Variants in TBC1D22B observed in about 807,000 individuals in gnomAD.
TBC1D22B encodes the protein TBC1 domain family member 22B, also known as chromosome 6 open reading frame 197.
A neutral mutation model predicts 69.1 loss-of-function variants in TBC1D22B; 32 were observed. That is an observed-to-expected ratio of 0.46 (90% CI 0.35 to 0.62). TBC1D22B has a LOEUF of 0.62. Ranked by LOEUF, TBC1D22B falls within the 20% of genes least tolerant of loss-of-function variation. The probability of loss-of-function intolerance (pLI) is 0.00; values close to 1 mark genes in which losing one functional copy is unlikely to be tolerated. For synonymous variants in TBC1D22B, 206 were observed against 229.8 expected (o/e 0.90, Z 0.94); for missense variants, 462 against 630.9 (o/e 0.73, Z 2.87).
intron 8 of TBC1D22B, among the ~76,000 whole-genome samples, chr6:37,311,787 GT>G (rs1767919550): frequency 6.6e-6 from 1 of 152,244 alleles, no homozygotes; most frequent in South Asian, 2.1e-4. Flanking sequence ...CAGAATAGGG[GT>G]TGTGGGTCTG....
At position 37,282,247 on chromosome 6, in the gene TBC1D22B, C is replaced by T; in HGVS notation, c.484C>T (p.Pro162Ser). 1 of 1,614,228 alleles carries T rather than the reference C, an allele frequency of 6.2e-7. No individual in the cohort carries two copies. Among genetic ancestry groups the T allele is most frequent in the Non-Finnish European group, 8.5e-7 (1 of 1,180,052 alleles). The change falls in exon 4 of 13, where the codon CCC (proline) becomes TCC (serine). Residue 162 changes from proline to serine, a missense_variant. Around this residue, in one of 2 missense-constraint regions of TBC1D22B, gnomAD observed 237 missense variants for 255.4 expected, o/e 0.93. Transcript: ENST00000373491. ...QQSLPLRPII[P>S]LVARISDQNA... ...ATCACTCCCTCTCCGGCCCATCATCCCCCTCGTTGCCCGGATCTCGGATCA... is the reference window on the plus strand; with the variant it reads ...ATCACTCCCTCTCCGGCCCATCATCTCCCTCGTTGCCCGGATCTCGGATCA...
chr6:37,317,642 G>A (rs1768122006), intron 12 of TBC1D22B, among the ~76,000 whole-genome samples: 1 of 152,126 alleles, frequency 6.6e-6, no homozygotes, highest in Admixed American at 6.5e-5. Context: ...GAATGTAAAG[G>A]TGCTAAGAAA....
At position 37,290,046 on chromosome 6, in the gene TBC1D22B, CAGAG is replaced by C. The variant is rs1419854844; in HGVS notation, c.868-1194_868-1191del. Reference sequence around the variant, plus strand: ...CCGCTGTAGGCACAACGATCTATGACAGAGAGGCTGGGAAGCATCCTTTATGTCT... The same window carrying C: ...CCGCTGTAGGCACAACGATCTATGACAGGCTGGGAAGCATCCTTTATGTCT... On this transcript the variant is annotated intron_variant, in intron 7 of 12. Transcript: ENST00000373491. Among the ~76,000 whole-genome samples, 4 of 152,202 alleles carry C rather than the reference CAGAG, an allele frequency of 2.6e-5. No individual in the cohort carries two copies. The East Asian group carries it at 7.7e-4, about 29-fold the overall frequency.
At chr6:37,309,906 C>T (rs1194011435) in intron 8 of TBC1D22B, among the ~76,000 whole-genome samples, 1 of 150,664 alleles carries the variant, frequency 6.6e-6, no homozygotes, top group Admixed American at 6.6e-5. Context: ...CCGGGTTTTA[C>T]AGCCCAATAT....
chr6:37,265,144 G>C (rs1766231642), intron 1 of TBC1D22B, among the ~76,000 whole-genome samples: 1 of 152,118 alleles, frequency 6.6e-6, no homozygotes, highest in Non-Finnish European at 1.5e-5. Context: ...TTCAATTTGG[G>C]CCCTGATACC....
At chr6:37,313,269 C>T (rs1271272797) in intron 9 of TBC1D22B, among the ~76,000 whole-genome samples, 2 of 152,168 alleles carry the variant, frequency 1.3e-5, no homozygotes, top group Non-Finnish European at 2.9e-5. Context: ...ACTGGAGGAT[C>T]GCTTGAGCTC....
At chr6:37,324,875 T>C (rs928096116) in intron 12 of TBC1D22B, among the ~76,000 whole-genome samples, 6 of 152,200 alleles carry the variant, frequency 3.9e-5, no homozygotes, top group African/African-American at 1.4e-4. Flanking sequence ...TGCCTCAATT[T>C]CCTCATCTGT....
At chr6:37,298,009 C>T (rs1401322294) in intron 8 of TBC1D22B, among the ~76,000 whole-genome samples, 1 of 152,064 alleles carries the variant, frequency 6.6e-6, no homozygotes, top group Non-Finnish European at 1.5e-5. Flanking sequence ...AACACATGGA[C>T]ACAGGGAGGG....
chr6:37,258,105 C>G (rs1765887998), intron 1 of TBC1D22B, 132 bp downstream of exon 1: 4 of 1,015,422 alleles, frequency 3.9e-6, no homozygotes, highest in Non-Finnish European at 5.6e-6. Context: ...TGCCTGGTGG[C>G]GGCAGGGCAG....
chr6:37,313,791 A>T, intron 9 of TBC1D22B, 25 bp from the exon 10 acceptor site: 1 of 1,612,078 alleles, frequency 6.2e-7, no homozygotes, highest in Non-Finnish European at 8.5e-7. Context: ...GTCCATGTTC[A>T]TCCTGGGCTC....
chr6:37,289,046 A>T (rs1249425708), intron 7 of TBC1D22B, among the ~76,000 whole-genome samples: 1 of 151,866 alleles, frequency 6.6e-6, no homozygotes, highest in Non-Finnish European at 1.5e-5. Context: ...GCACCACCAC[A>T]CCTGGCTAAT....
intron 2 of TBC1D22B, among the ~76,000 whole-genome samples, chr6:37,275,966 C>CTTTTTT (rs149995165): frequency 0.025 from 3,287 of 133,022 alleles, 131 homozygotes; most frequent in African/African-American, 0.085. Flanking sequence ...TTCTTTTTTT[C>CTTTTTT]TTTTTTTTTT....
At chr6:37,314,953 G>A (rs749932009) in intron 10 of TBC1D22B, among the ~76,000 whole-genome samples, 41 of 151,666 alleles carry the variant, frequency 2.7e-4, no homozygotes, top group Admixed American at 2.0e-3. Flanking sequence ...TTTTTTTTCC[G>A]CTGTGTCTTA....
In TBC1D22B at chr6:37,291,272, C is replaced by T; in HGVS notation, c.897C>T (p.Ala299=). ...TTGAAAGAATTCTATTTATTTGGGC[C>T]ATCCGCCACCCTGCCAGTGGGTATG... ...EIFERILFIW[A]IRHPASGYVQ... The change falls in exon 8 of 13, where the codon GCC becomes GCT. Residue 299 remains alanine (A), a synonymous_variant. Transcript: ENST00000373491. 6.2e-7 allele frequency: 1 copy of T among 1,613,860 alleles called. No individual in the cohort carries two copies. Among genetic ancestry groups the T allele is most frequent in the Non-Finnish European group, 8.5e-7 (1 of 1,179,844 alleles).
chr6:37,280,422 TGA>T (rs1766787167), intron 3 of TBC1D22B, among the ~76,000 whole-genome samples: 2 of 152,220 alleles, frequency 1.3e-5, no homozygotes, highest in Non-Finnish European at 2.9e-5. Context: ...GCTCATGTTC[TGA>T]GGGAACTTTT....
At chr6:37,264,642 A>G (rs1452249339) in intron 1 of TBC1D22B, among the ~76,000 whole-genome samples, 1 of 152,172 alleles carries the variant, frequency 6.6e-6, no homozygotes, top group Non-Finnish European at 1.5e-5. Flanking sequence ...TTATTTTTAA[A>G]AAGTAATATA....
chr6:37,263,962 A>T (rs1347162174), intron 1 of TBC1D22B, among the ~76,000 whole-genome samples: 2 of 152,076 alleles, frequency 1.3e-5, no homozygotes, highest in African/African-American at 4.8e-5. Flanking sequence ...GATGTTTATT[A>T]TATCATTTTC....
intron 1 of TBC1D22B, among the ~76,000 whole-genome samples, chr6:37,267,717 C>T (rs900499202): frequency 6.6e-6 from 1 of 151,682 alleles, no homozygotes; most frequent in Admixed American, 6.6e-5. Flanking sequence ...TATTTCCTCA[C>T]CCCTCTCTTC....
intron 8 of TBC1D22B, among the ~76,000 whole-genome samples, chr6:37,296,989 G>A (rs531221734): frequency 6.6e-6 from 1 of 152,054 alleles, no homozygotes; most frequent in Admixed American, 6.5e-5. Context: ...ACCATGCCTG[G>A]CTAATTTTTG....
Sources: allele counts gnomAD v4.1 joint callset (sites outside exome capture counted in the v4.1 genomes callset), GRCh38; gene constraint gnomAD v4.1.1; regional missense constraint gnomAD v4.1.1; transcripts MANE v1.5; gene names NCBI Gene and HGNC (gene_info 2026-07-23, HGNC 2026-07-21).